Variants in CCM2L observed in about 807,000 individuals in gnomAD.
The protein encoded by CCM2L is cerebral cavernous malformations 2 protein-like.
A neutral mutation model predicts 54.1 loss-of-function variants in CCM2L; 36 were observed. The observed-to-expected ratio is 0.67, with a 90% CI of 0.51 to 0.88. The LOEUF is 0.88. Ranked by LOEUF, CCM2L falls within the 40% of genes least tolerant of loss-of-function variation. The pLI is 0.00. For missense variants in CCM2L, 700 were observed against 812.1 expected (o/e 0.86, Z 1.68); for synonymous variants, 351 against 359.3 (o/e 0.98, Z 0.26).
chr20:32,017,668 GTTA>G (rs1306849559), intron 2 of CCM2L, 129 bp from the exon 3 acceptor site: 7 of 795,872 alleles, frequency 8.8e-6, no homozygotes, highest in Non-Finnish European at 1.5e-5. Context: ...CTCAGTAAAA[GTTA>G]TTATCAGGTA....
intron 6 of CCM2L, among the ~76,000 whole-genome samples, chr20:32,025,235 T>G (rs1373880710): frequency 6.6e-6 from 1 of 150,816 alleles, no homozygotes; most frequent in Non-Finnish European, 1.5e-5. Flanking sequence ...TCCTTTCCTC[T>G]TTCTTTCTTT....
intron 7 of CCM2L, among the ~76,000 whole-genome samples, chr20:32,027,453 G>A (rs1383678743): frequency 1.3e-5 from 2 of 152,170 alleles, no homozygotes; most frequent in East Asian, 3.8e-4. Flanking sequence ...TAACATTACA[G>A]CAGCTACTGT....
chr20:32,013,468 GT>G lies in CCM2L; in HGVS notation c.31-1435del, dbSNP rs2064711147. 2.0e-5 allele frequency among the ~76,000 whole-genome samples: 3 copies of G among 152,170 alleles called. No individual in the cohort carries two copies. The South Asian group carries it at 6.2e-4, about 32-fold the overall frequency. On this transcript the variant is annotated intron_variant, in intron 1 of 9. Transcript: ENST00000452892. Reference sequence around the variant, plus strand: ...TTGTTTGTTTTGTTCCTTCGACAAGGTCTTACTCTGTCACCCAGGCTGGAGT... The same window carrying G: ...TTGTTTGTTTTGTTCCTTCGACAAGGCTTACTCTGTCACCCAGGCTGGAGT...
rs1273249449 is a variant in CCM2L at position 32,029,024 on chromosome 20, G to A, written c.1163G>A (p.Cys388Tyr). ...GGCTCCCAGGACACCTTTGAAGCATGTTACAGCGGCACGTCCACACCTTCT... is the reference window on the plus strand; with the variant it reads ...GGCTCCCAGGACACCTTTGAAGCATATTACAGCGGCACGTCCACACCTTCT... ...FNGSQDTFEA[C>Y]YSGTSTPSFH... Residue 388 changes from cysteine to tyrosine, a missense_variant, in exon 8 of 10, where the codon TGT becomes TAT. Transcript: ENST00000452892. The A allele has an allele frequency of 6.2e-7, 1 of 1,614,080 alleles. No individual in the cohort carries two copies. The highest frequency in any genetic ancestry group is 2.2e-5 in the East Asian group (1 of 44,890).
rs1188082099 is a variant in CCM2L, at chr20:32,019,121, G to GA, written c.645_646insA (p.Ala216SerfsTer51). On this transcript the variant is annotated frameshift_variant, in exon 5 of 10. Coordinates refer to ENST00000452892, the MANE Select transcript of CCM2L (RefSeq NM_001365692.1). LOFTEE classifies it high-confidence loss of function. ...GGGGTGGGGGCGCCGCGGAGGCCCG[G>GA]GCCGGGGGAGGCGGCGGCGGCAGCT... 2.6e-6 allele frequency: 3 copies of GA among 1,154,928 alleles called. No homozygotes were observed. The highest frequency in any genetic ancestry group is 3.2e-6 in the Non-Finnish European group (3 of 938,022). The allele number at this position is 1,154,928 out of a possible 1,614,324, so 71.5% of individuals were successfully genotyped here. A position where few individuals can be genotyped will look rare whatever the true frequency, so the allele number is the denominator to read the frequency against.
At chr20:32,026,355 C>CTCTTT (rs989979769) in intron 7 of CCM2L, among the ~76,000 whole-genome samples, 1 of 152,166 alleles carries the variant, frequency 6.6e-6, no homozygotes, top group Non-Finnish European at 1.5e-5. Flanking sequence ...GCTCAGGCTT[C>CTCTTT]TCTTTTCCTT....
chr20:32,017,008 C>T (rs546019645), intron 2 of CCM2L, among the ~76,000 whole-genome samples: 7 of 151,284 alleles, frequency 4.6e-5, no homozygotes, highest in African/African-American at 1.5e-4. Context: ...ATTAGCTGGA[C>T]GTGGTGGCAC....
chr20:32,024,644 T>C (rs184965656), intron 6 of CCM2L, among the ~76,000 whole-genome samples: 48 of 152,278 alleles, frequency 3.2e-4, no homozygotes, highest in Non-Finnish European at 5.3e-4. Flanking sequence ...CTGGCCAACA[T>C]GGTGAAAACC....
intron 5 of CCM2L, 101 bp downstream of exon 5, chr20:32,019,510 C>A: frequency 2.4e-6 from 2 of 823,850 alleles, no homozygotes; most frequent in Non-Finnish European, 3.4e-6. Context: ...CTAGGATCTG[C>A]CCCTGCCTTC....
chr20:32,020,003 C>T (rs547363827), intron 5 of CCM2L, among the ~76,000 whole-genome samples: 3 of 152,298 alleles, frequency 2.0e-5, no homozygotes, highest in East Asian at 1.9e-4. Flanking sequence ...TTCCCCTCTG[C>T]CTCCCCCATC....
chr20:32,015,784 A>T (rs540501803), intron 2 of CCM2L, among the ~76,000 whole-genome samples: 1 of 151,574 alleles, frequency 6.6e-6, no homozygotes, highest in East Asian at 1.9e-4. Flanking sequence ...TACTGCAGTG[A>T]CCTTGCTGTT....
At chr20:32,017,262 T>C (rs2064748433) in intron 2 of CCM2L, among the ~76,000 whole-genome samples, 1 of 152,266 alleles carries the variant, frequency 6.6e-6, no homozygotes, top group Non-Finnish European at 1.5e-5. Flanking sequence ...TATACTAATT[T>C]GATCCAACAT....
intron 5 of CCM2L, among the ~76,000 whole-genome samples, chr20:32,022,347 C>T (rs775427574): frequency 1.3e-4 from 20 of 152,104 alleles, no homozygotes; most frequent in Non-Finnish European, 2.5e-4. Context: ...ACTGGGCCTC[C>T]GTTTCCATAT....
chr20:32,029,431 G>C (rs1600685785), intron 8 of CCM2L, among the ~76,000 whole-genome samples: 1 of 152,188 alleles, frequency 6.6e-6, no homozygotes, highest in East Asian at 1.9e-4. Context: ...TTGCAGATGA[G>C]AAAAGCAAGC....
At chr20:32,027,421 C>T (rs2064872920) in intron 7 of CCM2L, among the ~76,000 whole-genome samples, 2 of 152,154 alleles carry the variant, frequency 1.3e-5, no homozygotes, top group South Asian at 4.1e-4. Flanking sequence ...CTATAAAGCA[C>T]TTTATTTTTT....
chr20:32,019,468 C>A, intron 5 of CCM2L, 59 bp downstream of exon 5: 1 of 1,228,660 alleles, frequency 8.1e-7, no homozygotes, highest in Non-Finnish European at 1.1e-6. Flanking sequence ...CTTCCCCGCC[C>A]CCACCTTGCC....
In CCM2L at chr20:32,018,008, G is replaced by C. The variant is rs763627361; in HGVS notation, c.312G>C (p.Thr104=). The change falls in exon 4 of 10, where the codon ACG becomes ACC. Residue 104 remains threonine, a synonymous_variant. Transcript: ENST00000452892. ...RQLKELPLKT[T]AEQDSILSLS... Reference sequence around the variant, plus strand: ...TGAAGGAGCTGCCGCTGAAGACCACGGCGGAGCAGGACAGCATCCTGAGCC... The same window carrying C: ...TGAAGGAGCTGCCGCTGAAGACCACCGCGGAGCAGGACAGCATCCTGAGCC... The C allele has an allele frequency of 6.2e-7, 1 of 1,613,860 alleles. No individual in the cohort carries two copies. The highest frequency in any genetic ancestry group is 1.1e-5 in the South Asian group (1 of 91,052).
rs2064773299 is a variant in CCM2L, at chr20:32,019,105, G to GT, written c.629_630insT (p.Ala211ArgfsTer56). Reference sequence around the variant, plus strand: ...GACTGGCGGATGGGGTGGGGTGGGGGCGCCGCGGAGGCCCGGGCCGGGGGA... The same window carrying GT: ...GACTGGCGGATGGGGTGGGGTGGGGGTCGCCGCGGAGGCCCGGGCCGGGGGA... On this transcript the variant is annotated frameshift_variant, in exon 5 of 10. Coordinates refer to ENST00000452892, the MANE Select transcript of CCM2L (RefSeq NM_001365692.1). LOFTEE classifies it high-confidence loss of function. 8.5e-7 allele frequency: 1 copy of GT among 1,176,972 alleles called. No homozygotes were observed. The highest frequency in any genetic ancestry group is 1.0e-6 in the Non-Finnish European group (1 of 952,812). 72.9% of individuals were successfully genotyped at this position (1,176,972 alleles called of 1,614,324 possible).
chr20:32,019,509 G>T (rs2064783160), intron 5 of CCM2L, 100 bp downstream of exon 5: 4 of 823,960 alleles, frequency 4.9e-6, no homozygotes, highest in East Asian at 3.5e-5. Flanking sequence ...CCTAGGATCT[G>T]CCCCTGCCTT....
Sources: allele counts gnomAD v4.1 joint callset (sites outside exome capture counted in the v4.1 genomes callset), GRCh38; gene constraint gnomAD v4.1.1; transcripts MANE v1.5; gene names NCBI Gene and HGNC (gene_info 2026-07-23, HGNC 2026-07-21).